Variants in SPATA16 observed in about 807,000 individuals in gnomAD.
The protein encoded by SPATA16 is spermatogenesis associated 16.
Under a neutral mutation model 63.3 loss-of-function variants are expected in SPATA16, and 36 were observed. That is an observed-to-expected ratio of 0.57 (90% confidence interval 0.44 to 0.75). The LOEUF (loss-of-function observed/expected upper bound fraction) is 0.75, where lower values mean the gene tolerates loss of function less well. Ranked by LOEUF, SPATA16 falls within the 30% of genes least tolerant of loss-of-function variation. The pLI is 0.00. For missense variants in SPATA16, 646 were observed against 679.3 expected (o/e 0.95, Z 0.54); for synonymous variants, 203 against 216.7 (o/e 0.94, Z 0.56).
At chr3:172,940,682 A>G (rs1577098077) in intron 6 of SPATA16, among the ~76,000 whole-genome samples, 1 of 152,228 alleles carries the variant, frequency 6.6e-6, no homozygotes, top group East Asian at 1.9e-4. Flanking sequence ...TGAACTTAAA[A>G]TAAATGTTAA....
intron 6 of SPATA16, among the ~76,000 whole-genome samples, chr3:172,928,791 A>G (rs1732798239): frequency 6.6e-6 from 1 of 152,144 alleles, no homozygotes; most frequent in African/African-American, 2.4e-5. Context: ...TTCCAGTTGA[A>G]GTTTTAAAAT....
rs150824687 is a variant in SPATA16 at position 173,004,046 on chromosome 3, T to C, written c.848+15440A>G. 1.1e-4 allele frequency among the ~76,000 whole-genome samples: 16 copies of C among 152,328 alleles called. No individual in the cohort carries two copies. The East Asian group carries it at 3.1e-3, about 29-fold the overall frequency. On this transcript the variant is annotated intron_variant, in intron 4 of 10. Coordinates refer to ENST00000351008, the MANE Select transcript of SPATA16 (RefSeq NM_031955.6). ...CTGGCTTGACCGTGATTCTCTAGTGTACCTAATTACTCTTTAGCAGACCGA... is the reference window on the plus strand; with the variant it reads ...CTGGCTTGACCGTGATTCTCTAGTGCACCTAATTACTCTTTAGCAGACCGA...
chr3:173,054,806 C>G (rs1736179788), intron 2 of SPATA16, among the ~76,000 whole-genome samples: 1 of 151,942 alleles, frequency 6.6e-6, no homozygotes, highest in Non-Finnish European at 1.5e-5. Flanking sequence ...CACTCACTAG[C>G]AGAATACACA....
chr3:172,979,265 G>T (rs1349213971), intron 4 of SPATA16, among the ~76,000 whole-genome samples: 3 of 151,872 alleles, frequency 2.0e-5, no homozygotes, highest in South Asian at 2.1e-4. Flanking sequence ...ATAGTCCAAT[G>T]CCAGTGTGTA....
chr3:173,019,413 G>A, intron 4 of SPATA16, 73 bp downstream of exon 4: 1 of 1,228,906 alleles, frequency 8.1e-7, no homozygotes, highest in Non-Finnish European at 1.2e-6. Context: ...GTTCTGTTAT[G>A]CTATTACCAG....
Position 173,007,054 on chromosome 3 carries a change from A to G in SPATA16, c.848+12432T>C, listed in dbSNP as rs543471744. On this transcript the variant is annotated intron_variant, in intron 4 of 10. Transcript: ENST00000351008. ...TGATTGTCTTTGAGGTTTTTACTGT[A>G]CACTCATCCAGAGAGCAGGTTTCAA... 3.9e-5 allele frequency among the ~76,000 whole-genome samples: 6 copies of G among 152,312 alleles called. No homozygotes were observed. In the South Asian group the frequency reaches 1.2e-3, roughly 32 times the overall value.
intron 2 of SPATA16, among the ~76,000 whole-genome samples, chr3:173,056,521 A>G (rs1324083411): frequency 6.6e-6 from 1 of 151,974 alleles, no homozygotes; most frequent in Non-Finnish European, 1.5e-5. Context: ...TGGCCAACAT[A>G]GTAAAACCCC....
At chr3:172,977,261 G>A (rs959163289) in intron 4 of SPATA16, among the ~76,000 whole-genome samples, 2 of 124,336 alleles carry the variant, frequency 1.6e-5, no homozygotes, top group African/African-American at 2.7e-5. Context: ...AACTATAAAA[G>A]AGAAGCAATA....
intron 8 of SPATA16, among the ~76,000 whole-genome samples, chr3:172,922,216 A>C (rs1732628573): frequency 6.6e-6 from 1 of 152,188 alleles, no homozygotes; most frequent in Admixed American, 6.5e-5. Flanking sequence ...ATCCCTGGGC[A>C]CTTTCAGGCT....
chr3:173,043,228 A>G lies in SPATA16; in HGVS notation c.758+5721T>C, dbSNP rs1413886176. 2.6e-5 allele frequency among the ~76,000 whole-genome samples: 4 copies of G among 151,918 alleles called. No individual in the cohort carries two copies. The Middle Eastern group carries it at 0.01, about 388-fold the overall frequency. On this transcript the variant is annotated intron_variant, in intron 3 of 10. Coordinates refer to ENST00000351008, the MANE Select transcript of SPATA16 (RefSeq NM_031955.6). The stretch of plus-strand genomic sequence containing the variant: ...TTTTCCAGTATCTCATCTATTTTTT[A>G]TTCTTTTCTTCCTCCTTTCTTGACT...
At chr3:172,975,746 A>G (rs1269880862) in intron 5 of SPATA16, among the ~76,000 whole-genome samples, 2 of 152,168 alleles carry the variant, frequency 1.3e-5, no homozygotes, top group Non-Finnish European at 1.5e-5. Context: ...GAACTGAAGT[A>G]TAATGTGACT....
At chr3:173,139,874 ACTC>A (rs1560137062) in intron 1 of SPATA16, among the ~76,000 whole-genome samples, 1 of 152,120 alleles carries the variant, frequency 6.6e-6, no homozygotes, top group Non-Finnish European at 1.5e-5. Context: ...AATCCCAGCT[ACTC>A]AGGAGGCTGA....
intron 2 of SPATA16, among the ~76,000 whole-genome samples, chr3:173,054,397 A>G (rs1736168375): frequency 6.6e-6 from 1 of 152,212 alleles, no homozygotes. Context: ...ATGCCCATCA[A>G]TGATAGACTG....
At chr3:173,099,482 G>A (rs1213300635) in intron 2 of SPATA16, among the ~76,000 whole-genome samples, 1 of 152,078 alleles carries the variant, frequency 6.6e-6, no homozygotes, top group Non-Finnish European at 1.5e-5. Flanking sequence ...GGGGGTCTTG[G>A]TATGTATCTC....
intron 1 of SPATA16, among the ~76,000 whole-genome samples, chr3:173,119,012 C>T (rs904625948): frequency 1.4e-4 from 22 of 152,142 alleles, no homozygotes; most frequent in African/African-American, 5.3e-4. Context: ...TGTTGATTGT[C>T]TTCATTTGTT....
Position 172,956,788 on chromosome 3 carries a change from A to G in SPATA16, c.970T>C (p.Phe324Leu), listed in dbSNP as rs1733607091. 1.2e-6 allele frequency: 2 copies of G among 1,613,324 alleles called. No individual in the cohort carries two copies. The highest frequency in any genetic ancestry group is 1.7e-6 in the Non-Finnish European group (2 of 1,179,594). The change falls in exon 6 of 11, where the codon TTC (phenylalanine) becomes CTC (leucine). Residue 324 changes from phenylalanine (F) to leucine (L), a missense_variant. Physicochemically the swap from Phe to Leu is conservative, Grantham distance 22 (BLOSUM62 0). Transcript: ENST00000351008. ...GCAAATGGTGTGTACATAACCGAGA[A>G]AGATTCAGCTCTGGTGATGGCTTCC... ...IEEAITRAESFSVMYTPFATK... is the reference protein window; with the variant it reads ...IEEAITRAESLSVMYTPFATK...
intron 4 of SPATA16, among the ~76,000 whole-genome samples, chr3:172,981,639 A>T (rs907325861): frequency 3.9e-5 from 6 of 152,162 alleles, no homozygotes; most frequent in African/African-American, 1.4e-4. Context: ...TCATTTTCTC[A>T]GTGAGAACTA....
intron 4 of SPATA16, among the ~76,000 whole-genome samples, chr3:172,980,242 G>A (rs1734267890): frequency 1.3e-5 from 2 of 152,222 alleles, no homozygotes; most frequent in African/African-American, 4.8e-5. Flanking sequence ...AACCCATTGA[G>A]CATCCATAAG....
chr3:172,983,100 G>A (rs1265629486), intron 4 of SPATA16, among the ~76,000 whole-genome samples: 1 of 152,186 alleles, frequency 6.6e-6, no homozygotes, highest in Non-Finnish European at 1.5e-5. Flanking sequence ...CTCCACAGAA[G>A]GACATTGCTC....
Sources: allele counts gnomAD v4.1 joint callset (sites outside exome capture counted in the v4.1 genomes callset), GRCh38; gene constraint gnomAD v4.1.1; transcripts MANE v1.5; gene names NCBI Gene and HGNC (gene_info 2026-07-23, HGNC 2026-07-21).